SLC2A7: variants seen among roughly 807,000 people sequenced by gnomAD.
SLC2A7 encodes solute carrier family 2, facilitated glucose transporter member 7.
Under a neutral mutation model 50.5 loss-of-function variants are expected in SLC2A7, and 50 were observed. The ratio of observed to expected loss-of-function variants is 0.99; its 90% confidence interval spans 0.79 to 1.25. The LOEUF is 1.25. SLC2A7 is among the 50% of genes most tolerant of loss of function. SLC2A7 has a pLI of 0.00. For synonymous variants in SLC2A7, 308 were observed against 300.4 expected, an observed-to-expected ratio of 1.03 and a Z score of -0.26; for missense variants, 683 against 679.1, an observed-to-expected ratio of 1.01 and a Z score of -0.06.
intron 2 of SLC2A7, 33 bp downstream of exon 2, chr1:9,024,943 G>A: frequency 6.3e-7 from 1 of 1,582,212 alleles, no homozygotes; most frequent in Non-Finnish European, 8.6e-7. Context: ...GTCAGCTGCT[G>A]CCCGGCCCAC....
Position 9,006,919 on chromosome 1 carries a change from G to C in SLC2A7, c.1192+391C>G, listed in dbSNP as rs552649770. On this transcript the variant is annotated intron_variant, in intron 10 of 11. Coordinates refer to ENST00000400906, the MANE Select transcript of SLC2A7 (RefSeq NM_207420.3). ...TAGCTGGCAGTCAGCGGGGATAGAA[G>C]GCAGTTGAGCCTTGGGTGTGCTGTG... Among the ~76,000 whole-genome samples the C allele has an allele frequency of 1.2e-4, 18 of 152,348 alleles. No homozygotes were observed. The South Asian group carries it at 3.5e-3, about 30-fold the overall frequency.
the SLC2A7 span, among the ~76,000 whole-genome samples, chr1:8,995,454 GA>G: frequency 9.8e-5 from 14 of 142,248 alleles, no homozygotes; most frequent in Non-Finnish European, 1.5e-4. Context: ...CCTCAAAAAA[GA>G]AAAAAAAATG....
rs577259751 is a variant in SLC2A7, at chr1:9,022,809, T to C, written c.311+109A>G. The C allele has an allele frequency of 6.6e-4, 933 of 1,423,708 alleles. 1 individual carries two copies. Among genetic ancestry groups the C allele is most frequent in the Non-Finnish European group, 8.0e-4 (831 of 1,045,026 alleles). The allele number at this position is 1,423,708 out of a possible 1,614,324, so 88.2% of individuals were successfully genotyped here. ...GGCCAAGCGGAGACTAGACTTCAGA[T>C]CTCCTGATTTTCAGGGTCACACGTC... is the stretch of plus-strand genomic sequence containing the variant. On this transcript the variant is annotated intron_variant, in intron 3 of 11. Transcript: ENST00000400906.
chr1:8,994,863 T>C, the SLC2A7 span, among the ~76,000 whole-genome samples: 1 of 151,932 alleles, frequency 6.6e-6, no homozygotes, highest in Non-Finnish European at 1.5e-5. Context: ...TTCTGCCTCC[T>C]GGGTTCAAGC....
At chr1:8,995,762 T>TTTAA in the SLC2A7 span, among the ~76,000 whole-genome samples, 1 of 152,112 alleles carries the variant, frequency 6.6e-6, no homozygotes, top group Non-Finnish European at 1.5e-5. Flanking sequence ...AATTTTTTTA[T>TTTAA]TTAATTAATT....
At chr1:8,996,765 A>C in the SLC2A7 span, among the ~76,000 whole-genome samples, 1 of 152,160 alleles carries the variant, frequency 6.6e-6, no homozygotes, top group Non-Finnish European at 1.5e-5. Flanking sequence ...ACATAATTAC[A>C]TAATTACTAA....
chr1:9,023,259 G>A (rs1640941212), intron 2 of SLC2A7, among the ~76,000 whole-genome samples, 181 bp from the exon 3 acceptor site: 1 of 152,172 alleles, frequency 6.6e-6, no homozygotes, highest in Non-Finnish European at 1.5e-5. Context: ...CTATATGATG[G>A]GTTGAAATGA....
At chr1:8,995,825 G>A in the SLC2A7 span, among the ~76,000 whole-genome samples, 2 of 152,026 alleles carry the variant, frequency 1.3e-5, no homozygotes, top group African/African-American at 4.8e-5. Context: ...TGGAGTGCAG[G>A]GGTGTGATCA....
chr1:8,995,863 G>A, the SLC2A7 span, among the ~76,000 whole-genome samples: 1 of 152,168 alleles, frequency 6.6e-6, no homozygotes, highest in Non-Finnish European at 1.5e-5. Flanking sequence ...AAATTCCTGA[G>A]ATCAAGGGAT....
At chr1:9,000,748 GTGT>G (rs1285434059), downstream of SLC2A7, among the ~76,000 whole-genome samples, 7 of 70,980 alleles carry the variant, frequency 9.9e-5, no homozygotes, top group African/African-American at 3.5e-4. Flanking sequence ...CTTTCCTGGT[GTGT>G]GTGTGTGTGT....
chr1:9,016,690 A>G (rs557813746), intron 5 of SLC2A7, among the ~76,000 whole-genome samples: 1 of 152,098 alleles, frequency 6.6e-6, no homozygotes, highest in African/African-American at 2.4e-5. Flanking sequence ...AGAGGAAGGA[A>G]GGAAGGAAAA....
chr1:9,015,626 A>T (rs867725833), intron 5 of SLC2A7, among the ~76,000 whole-genome samples: 75 of 151,838 alleles, frequency 4.9e-4, no homozygotes, highest in African/African-American at 1.8e-3. Flanking sequence ...CTCCTTCTGG[A>T]TGGCTTGGCC....
Position 9,008,762 on chromosome 1 carries a change from A to G in SLC2A7, c.1117-1377T>C, listed in dbSNP as rs1188790526. Among the ~76,000 whole-genome samples, 1 of 151,902 alleles carries G rather than the reference A, an allele frequency of 6.6e-6. No homozygotes were observed. The highest frequency in any genetic ancestry group is 2.4e-5 in the African/African-American group (1 of 41,346). On this transcript the variant is annotated intron_variant, in intron 9 of 11. Transcript: ENST00000400906. This position sits in a 1 kb window ranked among gnomAD's most constrained non-coding sequence, Gnocchi z 5.9. ...CAGGCACACGCCACCACACCCGACT[A>G]AATTTTGTATTTTTAATAGAGACGG... is the stretch of plus-strand genomic sequence containing the variant.
In SLC2A7 at chr1:9,024,977, T is replaced by C. The variant is rs1482905535; in HGVS notation, c.149A>G (p.Lys50Arg). 1 of 1,613,896 alleles carries C rather than the reference T, an allele frequency of 6.2e-7. No homozygotes were observed. Among genetic ancestry groups the C allele is most frequent in the South Asian group, 1.1e-5 (1 of 91,082 alleles). ...YNLSVVNTPH[K>R]VFKSFYNETY... is the part of the protein sequence containing the mutation. Reference sequence around the variant, plus strand: ...ACCTTGTGCCCACCTTGTGCCCACCTTGTGCGGCGTGTTGACCACAGAGAG... The same window carrying C: ...ACCTTGTGCCCACCTTGTGCCCACCCTGTGCGGCGTGTTGACCACAGAGAG... Residue 50 changes from lysine (K) to arginine (R), a missense_variant and splice_region_variant, in exon 2 of 12, where the codon AAG becomes AGG. Physicochemically the swap from Lys to Arg is conservative, Grantham distance 26. Transcript: ENST00000400906.
At chr1:9,018,418 C>T (rs572151410) in intron 4 of SLC2A7, 43 bp from the exon 5 acceptor site, 22 of 1,609,710 alleles carry the variant, frequency 1.4e-5, no homozygotes, top group African/African-American at 5.3e-5. Context: ...AAACCGCAAA[C>T]GCAGAATCTG....
rs745359271 is a variant in SLC2A7 at position 9,022,906 on chromosome 1, C to A, written c.311+12G>T. 1.9e-6 allele frequency: 3 copies of A among 1,613,686 alleles called. No homozygotes were observed. The highest frequency in any genetic ancestry group is 1.7e-6 in the Non-Finnish European group (2 of 1,179,842). The stretch of plus-strand genomic sequence containing the variant: ...ATGAATTTTAAGTGGGAGCAGTGCA[C>A]CTTCTGTTTACCTGCCGCAGCTATC... On this transcript the variant is annotated intron_variant, in intron 3 of 11. Coordinates refer to ENST00000400906, the MANE Select transcript of SLC2A7 (RefSeq NM_207420.3).
rs761127530 is a variant in SLC2A7 at position 9,004,331 on chromosome 1, T to TAAAAAAAA, written c.1320+413_1320+420dup. Among the ~76,000 whole-genome samples, 26 of 119,878 alleles carry TAAAAAAAA rather than the reference T, an allele frequency of 2.2e-4. 1 individual carries two copies. The highest frequency in any genetic ancestry group is 1.3e-4 in the African/African-American group (4 of 30,022). 78.6% of individuals were successfully genotyped at this position (119,878 alleles called of 152,430 possible). ...CTGGGTGACAGAGCAAGGCCCTGTC[T>TAAAAAAAA]AAAAAAAAAAAAAAAAGACTGCTTA... On this transcript the variant is annotated intron_variant, in intron 11 of 11. Coordinates refer to ENST00000400906, the MANE Select transcript of SLC2A7 (RefSeq NM_207420.3).
chr1:8,999,749 A>G (rs1640550491), downstream of SLC2A7, among the ~76,000 whole-genome samples: 1 of 151,920 alleles, frequency 6.6e-6, no homozygotes, highest in South Asian at 2.1e-4. Flanking sequence ...AATCACATGG[A>G]CTCCTGGAAT....
rs759246809 is a variant in SLC2A7 at position 9,018,359 on chromosome 1, G to GTACCCAT, written c.452_453insATGGGTA (p.Leu152TrpfsTer84). On this transcript the variant is annotated frameshift_variant, in exon 5 of 12. Coordinates refer to ENST00000400906, the MANE Select transcript of SLC2A7 (RefSeq NM_207420.3). LOFTEE classifies it high-confidence loss of function. ...CCAGTTCTCCCAGGTACATGGGAAG[G>GTACCCAT]GCGCTGTAGGAGATGCCTGGTTTGG... The GTACCCAT allele has an allele frequency of 3.8e-4, 620 of 1,614,180 alleles. 14 individuals are homozygous for GTACCCAT. In the Admixed American group the frequency reaches 0.01, roughly 26 times the overall value.
Sources: gnomAD v4.1 joint callset for allele counts (sites outside exome capture counted in the v4.1 genomes callset) on GRCh38, gnomAD v4.1.1 for gene constraint, Gnocchi (gnomAD v3.1) non-coding constraint, MANE v1.5 for transcripts, NCBI Gene and HGNC (gene_info 2026-07-23, HGNC 2026-07-21) for gene names.